PRSS23: variants seen among roughly 807,000 people sequenced by gnomAD.
The protein encoded by PRSS23 is protease, serine 23.
Under a neutral mutation model 34.7 loss-of-function variants are expected in PRSS23, and 25 were observed. The ratio of observed to expected loss-of-function variants is 0.72; its 90% CI spans 0.53 to 1.01. The LOEUF is 1.01. Ranked by LOEUF, PRSS23 falls within the 50% of genes least tolerant of loss-of-function variation. The pLI is 0.00. For missense variants in PRSS23, 445 were observed against 475.6 expected (o/e 0.94, Z 0.60); for synonymous variants, 176 against 186.6 (o/e 0.94, Z 0.46).
At chr11:86,911,780 G>C (rs12801216) in intron 2 of PRSS23, 65,458 of 151,968 alleles carry the variant, frequency 0.43, 15,195 homozygotes, top group Non-Finnish European at 0.53. Context: ...GTGTGTGTGT[G>C]TGTGTGAGTG....
At chr11:86,923,570 G>A (rs949038534) in intron 2 of PRSS23, among the ~76,000 whole-genome samples, 3 of 152,092 alleles carry the variant, frequency 2.0e-5, no homozygotes, top group East Asian at 1.9e-4. Context: ...CTCCTCTCTT[G>A]TTAAAGTTAT....
intron 2 of PRSS23, among the ~76,000 whole-genome samples, chr11:86,900,204 T>C (rs1214360088): frequency 6.6e-6 from 1 of 152,218 alleles, no homozygotes; most frequent in African/African-American, 2.4e-5. Context: ...GATTTATTAT[T>C]TCCTCCTCAA....
intron 2 of PRSS23, among the ~76,000 whole-genome samples, chr11:86,907,568 C>T (rs536725559): frequency 3.5e-4 from 54 of 152,126 alleles, no homozygotes; most frequent in African/African-American, 1.3e-3. Context: ...CTAGCAGTCC[C>T]CCCATCTTAG....
At chr11:86,938,607 G>A (rs534465460) in intron 2 of PRSS23, among the ~76,000 whole-genome samples, 1 of 152,232 alleles carries the variant, frequency 6.6e-6, no homozygotes, top group Non-Finnish European at 1.5e-5. Context: ...GAGGGTCTTG[G>A]ATATCACTCT....
chr11:86,794,554 A>C (rs1424951910), intron 1 of PRSS23, among the ~76,000 whole-genome samples: 1 of 152,196 alleles, frequency 6.6e-6, no homozygotes, highest in Non-Finnish European at 1.5e-5. Flanking sequence ...ATGACAATTT[A>C]ACCCTACAAT....
At chr11:86,878,206 C>T (rs1948738372) in intron 2 of PRSS23, among the ~76,000 whole-genome samples, 1 of 150,800 alleles carries the variant, frequency 6.6e-6, no homozygotes, top group South Asian at 2.1e-4. Context: ...ATTTGGATTT[C>T]TCCCTCTCCC....
chr11:86,949,913 TCC>T (rs1453670102), intron 2 of PRSS23: 2 of 152,636 alleles, frequency 1.3e-5, no homozygotes, highest in African/African-American at 4.8e-5. Context: ...GGATTAGCTG[TCC>T]TCAGTTCCCT....
At chr11:86,858,865 G>T in intron 2 of PRSS23, among the ~76,000 whole-genome samples, 1 of 151,368 alleles carries the variant, frequency 6.6e-6, no homozygotes, top group Non-Finnish European at 1.5e-5. Flanking sequence ...ATATTGCAGA[G>T]AATGTACACC....
chr11:86,917,551 G>C (rs1240954376), intron 2 of PRSS23, among the ~76,000 whole-genome samples: 1 of 152,168 alleles, frequency 6.6e-6, no homozygotes, highest in Non-Finnish European at 1.5e-5. Context: ...CAAGTGCTTA[G>C]CACATTTGTG....
At chr11:86,800,357 G>T, upstream of PRSS23, 1 of 774,728 alleles carries the variant, frequency 1.3e-6, no homozygotes, top group Non-Finnish European at 1.6e-6. Context: ...TCGGCCTCAG[G>T]CCCTCTGGGC....
At chr11:86,856,504 G>A (rs1027191295) in intron 2 of PRSS23, among the ~76,000 whole-genome samples, 6 of 152,104 alleles carry the variant, frequency 3.9e-5, no homozygotes, top group African/African-American at 1.2e-4. Flanking sequence ...TTCCCTAGAA[G>A]CAGTTTATAA....
At chr11:86,858,073 A>G (rs1948585321) in intron 2 of PRSS23, 1 of 205,236 alleles carries the variant, frequency 4.9e-6, no homozygotes, top group Admixed American at 5.6e-5. Context: ...TGTTCCTAAT[A>G]TCTGGGGGAG....
At chr11:86,874,272 T>C (rs1362615527) in intron 2 of PRSS23, among the ~76,000 whole-genome samples, 1 of 152,188 alleles carries the variant, frequency 6.6e-6, no homozygotes, top group African/African-American at 2.4e-5. Context: ...CCACATTCAC[T>C]CACCGGCTGG....
intron 2 of PRSS23, among the ~76,000 whole-genome samples, chr11:86,879,545 G>A (rs1948754843): frequency 1.4e-5 from 2 of 142,566 alleles, no homozygotes; most frequent in East Asian, 2.1e-4. Context: ...CGGGAGGGAG[G>A]TGGGGGGGTC....
chr11:86,846,871 C>T (rs1948490185), intron 2 of PRSS23, among the ~76,000 whole-genome samples: 1 of 152,238 alleles, frequency 6.6e-6, no homozygotes, highest in East Asian at 1.9e-4. Flanking sequence ...GTGTAGTCCC[C>T]CACATCAGGA....
intron 2 of PRSS23, among the ~76,000 whole-genome samples, chr11:86,887,291 G>T (rs1948808725): frequency 6.6e-6 from 1 of 152,032 alleles, no homozygotes; most frequent in Non-Finnish European, 1.5e-5. Context: ...GGCAATGTTT[G>T]GTAGCAGCTT....
At chr11:86,826,914 T>A (rs1030314746) in intron 2 of PRSS23, among the ~76,000 whole-genome samples, 49 of 152,322 alleles carry the variant, frequency 3.2e-4, no homozygotes, top group African/African-American at 7.7e-4. Context: ...ATTGAGGATT[T>A]TTGCATCGAT....
chr11:86,837,945 A>G, intron 2 of PRSS23, among the ~76,000 whole-genome samples: 1 of 152,216 alleles, frequency 6.6e-6, no homozygotes, highest in Middle Eastern at 3.4e-3. Context: ...ACAGTGGGTG[A>G]AGTGCACAGA....
intron 2 of PRSS23, among the ~76,000 whole-genome samples, chr11:86,900,931 CCCA>C (rs772759665): frequency 2.0e-5 from 3 of 151,934 alleles, no homozygotes; most frequent in Non-Finnish European, 4.4e-5. Context: ...ACTACAGGCA[CCCA>C]CCACCACACC....
Sources: allele counts gnomAD v4.1 joint callset (sites outside exome capture counted in the v4.1 genomes callset), GRCh38; gene constraint gnomAD v4.1.1; transcripts MANE v1.5; gene names NCBI Gene and HGNC (gene_info 2026-07-23, HGNC 2026-07-21).